PITPNM2: variants seen among roughly 807,000 people sequenced by gnomAD.
The protein encoded by PITPNM2 is membrane-associated phosphatidylinositol transfer protein 2.
Under a neutral mutation model 132.2 loss-of-function variants are expected in PITPNM2, and 35 were observed. The observed-to-expected ratio is 0.26, with a 90% CI of 0.20 to 0.35. The LOEUF is 0.35. Among genes scored for constraint, PITPNM2 ranks in the 10% least tolerant of loss-of-function variants. The probability of loss-of-function intolerance (pLI) is 1.00; values close to 1 mark genes in which losing one functional copy is unlikely to be tolerated. For missense variants in PITPNM2, 1,332 were observed against 1,912.0 expected, an observed-to-expected ratio of 0.70 and a Z score of 5.66; for synonymous variants, 738 against 799.2, an observed-to-expected ratio of 0.92 and a Z score of 1.29.
intron 2 of PITPNM2, among the ~76,000 whole-genome samples, chr12:123,045,438 C>T (rs758922381): frequency 5.3e-5 from 8 of 152,186 alleles, no homozygotes; most frequent in Non-Finnish European, 1.2e-4. Context: ...CAATTCTCAT[C>T]AAATTCAGTC....
At chr12:123,010,428 G>C (rs2039139753) in intron 5 of PITPNM2, among the ~76,000 whole-genome samples, 4 of 152,176 alleles carry the variant, frequency 2.6e-5, no homozygotes, top group Non-Finnish European at 1.5e-5. Flanking sequence ...CATGTTCTGA[G>C]TGCACCCTAC....
Position 123,022,774 on chromosome 12 carries a change from A to G in PITPNM2, c.79-8732T>C, listed in dbSNP as rs1015287124. Among the ~76,000 whole-genome samples, 1 of 152,166 alleles carries G rather than the reference A, an allele frequency of 6.6e-6. No homozygotes were observed. Among genetic ancestry groups the G allele is most frequent in the Non-Finnish European group, 1.5e-5 (1 of 68,012 alleles). On this transcript the variant is annotated intron_variant, in intron 3 of 25. Coordinates refer to ENST00000320201, the MANE Select transcript of PITPNM2 (RefSeq NM_020845.3). This position sits in a 1 kb window ranked among gnomAD's most constrained non-coding sequence, Gnocchi z 4.9. ...CATCAGAACCCCCAACCCCTACCTAATAGGCACCAGGCATGGTGGGTAGCT... is the reference window on the plus strand; with the variant it reads ...CATCAGAACCCCCAACCCCTACCTAGTAGGCACCAGGCATGGTGGGTAGCT...
chr12:123,040,099 C>A (rs1277158098), intron 2 of PITPNM2, among the ~76,000 whole-genome samples: 1 of 152,114 alleles, frequency 6.6e-6, no homozygotes, highest in Non-Finnish European at 1.5e-5. Context: ...CACTGCACTC[C>A]AGCCTGGGCA....
chr12:123,042,568 G>A (rs186703025), intron 2 of PITPNM2, among the ~76,000 whole-genome samples: 1 of 152,304 alleles, frequency 6.6e-6, no homozygotes, highest in African/African-American at 2.4e-5. Context: ...CAAGCCAGCG[G>A]GAGCCCCGGT....
intron 2 of PITPNM2, among the ~76,000 whole-genome samples, chr12:123,055,591 C>T (rs2040996672): frequency 6.6e-6 from 1 of 152,242 alleles, no homozygotes; most frequent in Non-Finnish European, 1.5e-5. Context: ...CTCCTGTGTA[C>T]ACACCGTTCT....
At chr12:123,135,536 C>A (rs544286919) in intron 1 of PITPNM2, among the ~76,000 whole-genome samples, 1 of 152,158 alleles carries the variant, frequency 6.6e-6, no homozygotes, top group African/African-American at 2.4e-5. Context: ...TCCCCTCAGA[C>A]CTGGCAACCA....
chr12:123,138,730 G>A (rs2043435618), intron 1 of PITPNM2, among the ~76,000 whole-genome samples: 1 of 152,238 alleles, frequency 6.6e-6, no homozygotes, highest in African/African-American at 2.4e-5. Flanking sequence ...TCCTTCTGGA[G>A]TGATGAAAGT....
Position 123,005,707 on chromosome 12 carries a change from T to A in PITPNM2, c.644-159A>T. ...CCTGTCTGTGCCTCAGTTTCCCCATTTGTAAAATAAGGGGACTGGCTCACA... is the reference window on the plus strand; with the variant it reads ...CCTGTCTGTGCCTCAGTTTCCCCATATGTAAAATAAGGGGACTGGCTCACA... On this transcript the variant is annotated intron_variant, in intron 6 of 25. Coordinates refer to ENST00000320201, the MANE Select transcript of PITPNM2 (RefSeq NM_020845.3). The surrounding 1 kb of genome is among the most constrained non-coding windows in gnomAD (Gnocchi z 6.2). The A allele has an allele frequency of 1.5e-6, 1 of 667,210 alleles. No homozygotes were observed. Among genetic ancestry groups the A allele is most frequent in the Non-Finnish European group, 2.5e-6 (1 of 395,374 alleles). 41.3% of individuals were successfully genotyped at this position (667,210 alleles called of 1,614,324 possible). A position where few individuals can be genotyped will look rare whatever the true frequency, so the allele number is the denominator to read the frequency against.
rs1271212166 is a variant in PITPNM2, at chr12:123,068,184, A to ACGGCCGGGCG, written c.-95-33500_-95-33499insCGCCCGGCCG. Among the ~76,000 whole-genome samples, 4 of 94,452 alleles carry ACGGCCGGGCG rather than the reference A, an allele frequency of 4.2e-5. 1 individual carries two copies. The highest frequency in any genetic ancestry group is 6.9e-4 in the South Asian group (2 of 2,914). The allele number at this position is 94,452 out of a possible 152,430, so 62.0% of individuals were successfully genotyped here. Reference sequence around the variant, plus strand: ...TCAGCTTTGCTAAAAATCCACGGGCACGGCCGGGCACGGTGGCTCACGCCT... The same window carrying ACGGCCGGGCG: ...TCAGCTTTGCTAAAAATCCACGGGCACGGCCGGGCGCGGCCGGGCACGGTGGCTCACGCCT... On this transcript the variant is annotated intron_variant, in intron 2 of 25. Transcript: ENST00000320201.
upstream of PITPNM2, among the ~76,000 whole-genome samples, chr12:123,151,347 ATCCCCGCCCCGGGC>A (rs2043747656): frequency 6.6e-6 from 1 of 151,466 alleles, no homozygotes; most frequent in Non-Finnish European, 1.5e-5. Context: ...GGCGGCGCGG[ATCCCCGCCCCGGGC>A]TCCTCGCCCA....
At position 122,986,118 on chromosome 12, in the gene PITPNM2, C is replaced by A. The variant is rs1017607614; in HGVS notation, c.3959G>T (p.Arg1320Leu). The A allele has an allele frequency of 6.7e-7, 1 of 1,502,400 alleles. No individual in the cohort carries two copies. Among genetic ancestry groups the A allele is most frequent in the African/African-American group, 1.4e-5 (1 of 69,300 alleles). 93.1% of individuals were successfully genotyped at this position (1,502,400 alleles called of 1,614,324 possible). A position where few individuals can be genotyped will look rare whatever the true frequency, so the allele number is the denominator to read the frequency against. Residue 1320 changes from arginine to leucine, a missense_variant, in exon 26 of 26, where the codon CGG becomes CTG. Physicochemically the swap from Arg to Leu is moderately radical, Grantham distance 102. This residue lies in a region of PITPNM2 where 163 missense variants were observed against 177.2 expected (regional missense o/e 0.92). Transcript: ENST00000320201. ...RTQSQADGEQ[R>L]GQRSMSVAAG... The stretch of plus-strand genomic sequence containing the variant: ...CGCCACACTCATGCTGCGCTGGCCC[C>A]GCTGCTCGCCATCCGCCTGGCTCTG...
At chr12:123,017,186 C>A (rs1030675465) in intron 3 of PITPNM2, among the ~76,000 whole-genome samples, 10 of 151,850 alleles carry the variant, frequency 6.6e-5, no homozygotes, top group Non-Finnish European at 1.5e-5. Context: ...GTCTGGCCAA[C>A]ATGGTGAAAC....
chr12:123,042,960 T>G (rs1334254882), intron 2 of PITPNM2, among the ~76,000 whole-genome samples: 1 of 151,854 alleles, frequency 6.6e-6, no homozygotes, highest in Admixed American at 6.6e-5. Context: ...TGAAGGTGTG[T>G]GTTATGAGGT....
rs776488358 is a variant in PITPNM2, at chr12:122,983,617, G to A, written c.*2410C>T. 6.6e-6 allele frequency: 1 copy of A among 152,580 alleles called. No individual in the cohort carries two copies. The highest frequency in any genetic ancestry group is 1.5e-5 in the Non-Finnish European group (1 of 68,120). The allele number at this position is 152,580 out of a possible 1,614,324, so 9.5% of individuals were successfully genotyped here. ...TCACACATGGCCCAGAGAAACAGACGGCACACGGACAGACCAGACGGGAGG... is the reference window on the plus strand; with the variant it reads ...TCACACATGGCCCAGAGAAACAGACAGCACACGGACAGACCAGACGGGAGG... On this transcript the variant is annotated 3_prime_UTR_variant, in exon 26 of 26. Coordinates refer to ENST00000320201, the MANE Select transcript of PITPNM2 (RefSeq NM_020845.3).
chr12:123,094,010 C>A (rs1004134771), intron 2 of PITPNM2, among the ~76,000 whole-genome samples: 7 of 152,264 alleles, frequency 4.6e-5, no homozygotes, highest in Admixed American at 1.3e-4. Flanking sequence ...TCGGAGGCTG[C>A]GGCTGGCCCA....
At chr12:123,030,468 C>T (rs1243030319) in intron 3 of PITPNM2, among the ~76,000 whole-genome samples, 4 of 151,994 alleles carry the variant, frequency 2.6e-5, no homozygotes, top group African/African-American at 7.3e-5. Context: ...CTGAGGCGGG[C>T]GGATCACGAG....
At position 123,034,640 on chromosome 12, in the gene PITPNM2, T is replaced by C; in HGVS notation, c.-50A>G. 6.5e-7 allele frequency: 1 copy of C among 1,532,564 alleles called. No homozygotes were observed. The highest frequency in any genetic ancestry group is 1.1e-5 in the South Asian group (1 of 89,366). The allele number at this position is 1,532,564 out of a possible 1,614,324, so 94.9% of individuals were successfully genotyped here. ...ATGGGGAACTGCAAGTTGGGACTTC[T>C]AGGCAAGGTTCCTTAAATAACCATG... On this transcript the variant is annotated 5_prime_UTR_variant, in exon 3 of 26. Coordinates refer to ENST00000320201, the MANE Select transcript of PITPNM2 (RefSeq NM_020845.3).
rs959867871 is a variant in PITPNM2, at chr12:123,077,385, T to G, written c.-96+33000A>C. ...ATTGGTCAGAGAGACAGCCAACGTG[T>G]GGCCAACAATCACCACTCCAGAGCC... On this transcript the variant is annotated intron_variant, in intron 2 of 25. Coordinates refer to ENST00000320201, the MANE Select transcript of PITPNM2 (RefSeq NM_020845.3). The surrounding 1 kb of genome is among the most constrained non-coding windows in gnomAD (Gnocchi z 4.8). Among the ~76,000 whole-genome samples the G allele has an allele frequency of 1.3e-5, 2 of 152,222 alleles. No homozygotes were observed. The highest frequency in any genetic ancestry group is 4.8e-5 in the African/African-American group (2 of 41,444).
At chr12:123,093,486 GCACA>G (rs147295545) in intron 2 of PITPNM2, among the ~76,000 whole-genome samples, 3 of 150,208 alleles carry the variant, frequency 2.0e-5, no homozygotes, top group South Asian at 2.1e-4. Flanking sequence ...ACACACACGC[GCACA>G]CACACACACA....
Sources: gnomAD v4.1 joint callset for allele counts (sites outside exome capture counted in the v4.1 genomes callset) on GRCh38, gnomAD v4.1.1 for gene constraint, gnomAD v4.1.1 regional missense constraint, Gnocchi (gnomAD v3.1) non-coding constraint, MANE v1.5 for transcripts, NCBI Gene and HGNC (gene_info 2026-07-23, HGNC 2026-07-21) for gene names.